Variants in TNS3 observed in about 807,000 individuals in gnomAD.
TNS3 encodes tensin 3, also known as tensin-3.
Under a neutral mutation model 140.9 loss-of-function variants are expected in TNS3, and 45 were observed. That is an observed-to-expected ratio of 0.32 (90% CI 0.25 to 0.41). TNS3 has a LOEUF of 0.41. TNS3 is among the 10% of genes least tolerant of loss of function. The probability of loss-of-function intolerance (pLI) is 1.00; values close to 1 mark genes in which losing one functional copy is unlikely to be tolerated. For synonymous variants in TNS3, 815 were observed against 788.4 expected, an observed-to-expected ratio of 1.03 and a Z score of -0.56; for missense variants, 1,716 against 1,906.7, an observed-to-expected ratio of 0.90 and a Z score of 1.86.
chr7:47,325,270 G>T (rs1037115762), intron 20 of TNS3, among the ~76,000 whole-genome samples: 1 of 152,106 alleles, frequency 6.6e-6, no homozygotes, highest in Non-Finnish European at 1.5e-5. Flanking sequence ...GCATCCCACT[G>T]GTGACCCTCG....
intron 27 of TNS3, among the ~76,000 whole-genome samples, chr7:47,287,127 C>T (rs2150578118): frequency 6.6e-6 from 1 of 151,770 alleles, no homozygotes; most frequent in Non-Finnish European, 1.5e-5. Context: ...AGTATACCTA[C>T]CATATGCTAA....
intron 20 of TNS3, among the ~76,000 whole-genome samples, chr7:47,337,591 T>C (rs1365765588): frequency 6.6e-6 from 1 of 152,238 alleles, no homozygotes. Flanking sequence ...GATTTCCTCC[T>C]ATCTCTTCTG....
intron 10 of TNS3, among the ~76,000 whole-genome samples, chr7:47,416,229 A>C (rs1271976338): frequency 6.6e-6 from 1 of 152,250 alleles, no homozygotes; most frequent in Non-Finnish European, 1.5e-5. Context: ...TGGCAGACTG[A>C]GGCAGGAAGT....
intron 24 of TNS3, among the ~76,000 whole-genome samples, chr7:47,296,808 C>T (rs1786050519): frequency 6.6e-6 from 1 of 152,080 alleles, no homozygotes; most frequent in Non-Finnish European, 1.5e-5. Flanking sequence ...GAAATGGAAG[C>T]AAAACGGGCT....
chr7:47,317,522 G>A (rs544864803), intron 20 of TNS3, among the ~76,000 whole-genome samples: 3 of 152,302 alleles, frequency 2.0e-5, no homozygotes, highest in East Asian at 3.9e-4. Context: ...TGAAAACAGC[G>A]TTTTTCTTCA....
chr7:47,389,070 A>AGGAAGAGGAAGAGGAAGTGGAAGC (rs1562675076), intron 16 of TNS3, among the ~76,000 whole-genome samples: 1 of 53,826 alleles, frequency 1.9e-5, no homozygotes, highest in African/African-American at 7.9e-5. Context: ...GAAGAAGAAG[A>AGGAAGAGGAAGAGGAAGTGGAAGC]AGAAGAAGAA....
intron 4 of TNS3, among the ~76,000 whole-genome samples, chr7:47,443,254 T>A (rs765647651): frequency 6.6e-5 from 10 of 152,258 alleles, no homozygotes; most frequent in Non-Finnish European, 1.5e-4. Flanking sequence ...TGTCCAGGGA[T>A]TCACTGAGGT....
chr7:47,435,663 A>G (rs1234789899), intron 7 of TNS3, among the ~76,000 whole-genome samples: 1 of 152,136 alleles, frequency 6.6e-6, no homozygotes. Flanking sequence ...AATTCTAGAA[A>G]GGTCTTTGAG....
intron 17 of TNS3, among the ~76,000 whole-genome samples, chr7:47,362,055 C>T (rs1349698996): frequency 2.0e-5 from 3 of 152,172 alleles, no homozygotes; most frequent in African/African-American, 4.8e-5. Context: ...AAACCCACCA[C>T]GTGCAGGCTG....
intron 16 of TNS3, among the ~76,000 whole-genome samples, chr7:47,373,543 T>C (rs1009337673): frequency 2.6e-5 from 4 of 152,324 alleles, no homozygotes; most frequent in African/African-American, 9.6e-5. Flanking sequence ...GCACCTGCCC[T>C]GTGGCCTTGG....
intron 1 of TNS3, among the ~76,000 whole-genome samples, chr7:47,553,429 G>A (rs1800113540): frequency 6.6e-6 from 1 of 152,232 alleles, no homozygotes; most frequent in East Asian, 1.9e-4. Flanking sequence ...CCTGGAAGTT[G>A]AAGCAAATGC....
chr7:47,529,915 C>T (rs1167570866), intron 1 of TNS3, among the ~76,000 whole-genome samples: 1 of 152,182 alleles, frequency 6.6e-6, no homozygotes, highest in Non-Finnish European at 1.5e-5. Flanking sequence ...ATTACTCACC[C>T]ACTGGAATAA....
intron 1 of TNS3, among the ~76,000 whole-genome samples, chr7:47,534,054 A>C (rs1357255774): frequency 6.6e-6 from 1 of 152,054 alleles, no homozygotes; most frequent in African/African-American, 2.4e-5. Flanking sequence ...CGGGTTGATC[A>C]CCTGAGCTCA....
At chr7:47,421,619 T>C (rs964148750) in intron 10 of TNS3, among the ~76,000 whole-genome samples, 10 of 152,076 alleles carry the variant, frequency 6.6e-5, no homozygotes, top group African/African-American at 1.9e-4. Context: ...CTTCCAAGTT[T>C]AGGGAAGGAA....
chr7:47,341,329 T>C (rs577836775), intron 20 of TNS3, among the ~76,000 whole-genome samples: 57 of 152,322 alleles, frequency 3.7e-4, no homozygotes, highest in African/African-American at 1.3e-3. Context: ...TAATTCTTCT[T>C]TACATGTTTG....
intron 17 of TNS3, among the ~76,000 whole-genome samples, chr7:47,346,734 C>A (rs192923144): frequency 6.6e-6 from 1 of 152,336 alleles, no homozygotes; most frequent in Admixed American, 6.5e-5. Flanking sequence ...CCACATGCCA[C>A]CCCTGGTGTC....
At chr7:47,528,255 C>A (rs769967546) in intron 2 of TNS3, among the ~76,000 whole-genome samples, 145 of 152,306 alleles carry the variant, frequency 9.5e-4, no homozygotes, top group Non-Finnish European at 1.5e-3. Context: ...ATCACAGGCA[C>A]CCTACTCTAA....
intron 9 of TNS3, 148 bp downstream of exon 9, chr7:47,428,164 G>A (rs569734157): frequency 6.6e-6 from 3 of 458,004 alleles, no homozygotes; most frequent in South Asian, 1.0e-4. Context: ...TGGGTTTCTA[G>A]GCACTGACCA....
chr7:47,501,466 C>T (rs1047033374), intron 3 of TNS3, among the ~76,000 whole-genome samples: 2 of 152,214 alleles, frequency 1.3e-5, no homozygotes, highest in African/African-American at 4.8e-5. Context: ...GGCCTGTGTG[C>T]TGGCAGGAAA....
Sources: allele counts gnomAD v4.1 joint callset (sites outside exome capture counted in the v4.1 genomes callset), GRCh38; gene constraint gnomAD v4.1.1; transcripts MANE v1.5; gene names NCBI Gene and HGNC (gene_info 2026-07-23, HGNC 2026-07-21).